The following PRKN variants were observed in gnomAD, a reference collection of about 807,000 sequenced individuals.
The protein encoded by PRKN is parkin RBR E3 ubiquitin protein ligase.
Under a neutral mutation model 59.5 loss-of-function variants are expected in PRKN, and 56 were observed. The ratio of observed to expected loss-of-function variants is 0.94; its 90% CI spans 0.76 to 1.18. The LOEUF (loss-of-function observed/expected upper bound fraction) is 1.18. Among genes scored for constraint, PRKN ranks in the 50% most tolerant of loss-of-function variants. The pLI is 0.00. For missense variants in PRKN, 657 were observed against 596.4 expected (o/e 1.10, Z -1.06); for synonymous variants, 250 against 222.1 (o/e 1.13, Z -1.12).
Position 161,593,996 on chromosome 6 carries a change from AAAAC to A in PRKN, c.872-24584_872-24581del, listed in dbSNP as rs1781821389. ...GAAACCCCATCTCTACTAAAAAAAAAAAACAAAAAACAAAAACCCAGCAGGGTAT... is the reference window on the plus strand; with the variant it reads ...GAAACCCCATCTCTACTAAAAAAAAAAAAAAACAAAAACCCAGCAGGGTAT... On this transcript the variant is annotated intron_variant, in intron 7 of 11. Transcript: ENST00000366898. This position sits in a 1 kb window ranked among gnomAD's most constrained non-coding sequence, Gnocchi z 4.8. Among the ~76,000 whole-genome samples, 1 of 151,726 alleles carries A rather than the reference AAAAC, an allele frequency of 6.6e-6. No individual in the cohort carries two copies. The highest frequency in any genetic ancestry group is 6.6e-5 in the Admixed American group (1 of 15,228).
chr6:162,128,908 C>T (rs1027892677), intron 4 of PRKN, among the ~76,000 whole-genome samples: 1 of 152,192 alleles, frequency 6.6e-6, no homozygotes, highest in African/African-American at 2.4e-5. Flanking sequence ...GCCTCCAGAA[C>T]TTTGAGAAAG....
intron 6 of PRKN, among the ~76,000 whole-genome samples, chr6:161,912,718 T>C (rs895800622): frequency 1.3e-5 from 2 of 151,934 alleles, no homozygotes; most frequent in African/African-American, 4.8e-5. Flanking sequence ...CTGCCAGCCA[T>C]CCTCACCTCC....
At chr6:162,045,302 CA>C (rs1299638805) in intron 5 of PRKN, among the ~76,000 whole-genome samples, 1 of 152,148 alleles carries the variant, frequency 6.6e-6, no homozygotes, top group African/African-American at 2.4e-5. Context: ...ACTCTTGAAA[CA>C]TAAACATTTT....
intron 4 of PRKN, among the ~76,000 whole-genome samples, chr6:162,138,700 A>G (rs545182772): frequency 6.6e-6 from 1 of 152,288 alleles, no homozygotes; most frequent in African/African-American, 2.4e-5. Context: ...GTGAGTGTTG[A>G]AAGTCTCAAA....
intron 4 of PRKN, among the ~76,000 whole-genome samples, chr6:162,200,245 C>G (rs1178450782): frequency 6.6e-6 from 1 of 152,122 alleles, no homozygotes; most frequent in Non-Finnish European, 1.5e-5. Flanking sequence ...TGCATGCCCT[C>G]TATTGCAACC....
At chr6:162,684,819 A>AT (rs1006860522) in intron 1 of PRKN, among the ~76,000 whole-genome samples, 6 of 152,188 alleles carry the variant, frequency 3.9e-5, no homozygotes, top group Non-Finnish European at 8.8e-5. Context: ...CCCTTTAAAT[A>AT]TATTTAATAA....
intron 9 of PRKN, among the ~76,000 whole-genome samples, chr6:161,455,426 C>T (rs1789922023): frequency 1.3e-5 from 2 of 152,276 alleles, no homozygotes; most frequent in Admixed American, 6.5e-5. Context: ...TTGCTATTTA[C>T]ATCAGCCTAC....
chr6:162,691,015 T>C (rs1261277957), intron 1 of PRKN, among the ~76,000 whole-genome samples: 1 of 152,172 alleles, frequency 6.6e-6, no homozygotes, highest in Non-Finnish European at 1.5e-5. Flanking sequence ...GAATCTTTAC[T>C]AGTAATGTTG....
chr6:162,707,472 A>C (rs1208155878), intron 1 of PRKN, among the ~76,000 whole-genome samples: 1 of 152,228 alleles, frequency 6.6e-6, no homozygotes, highest in African/African-American at 2.4e-5. Context: ...ATTATTCAGC[A>C]TGAAGGACTA....
chr6:162,338,930 T>A (rs1470671247), intron 2 of PRKN, among the ~76,000 whole-genome samples: 2 of 149,512 alleles, frequency 1.3e-5, no homozygotes, highest in East Asian at 2.0e-4. Context: ...GAGGAGCGCC[T>A]CTGCCCGGCC....
At chr6:162,266,115 T>C (rs938928419) in intron 2 of PRKN, among the ~76,000 whole-genome samples, 4 of 152,154 alleles carry the variant, frequency 2.6e-5, no homozygotes, top group Non-Finnish European at 4.4e-5. Context: ...ATTAGCACCC[T>C]AGCCTATCTT....
At chr6:161,824,161 A>AG (rs1792147361) in intron 6 of PRKN, among the ~76,000 whole-genome samples, 1 of 152,206 alleles carries the variant, frequency 6.6e-6, no homozygotes, top group Admixed American at 6.5e-5. Flanking sequence ...AACGCCACGA[A>AG]GTAGGGAAGA....
At position 162,443,466 on chromosome 6, in the gene PRKN, GACAA is replaced by G; in HGVS notation, c.11_14del (p.Phe4SerfsTer39). On this transcript the variant is annotated frameshift_variant, in exon 2 of 12. Coordinates refer to ENST00000366898, the MANE Select transcript of PRKN (RefSeq NM_004562.3). LOFTEE classifies it high-confidence loss of function. ...GGAAACCATGGCTGGAGTTGAACCTGACAAACACTGACCAAGGAAATTGGAAGGG... is the reference window on the plus strand; with the variant it reads ...GGAAACCATGGCTGGAGTTGAACCTGACACTGACCAAGGAAATTGGAAGGG... 1 of 1,614,004 alleles carries G rather than the reference GACAA, an allele frequency of 6.2e-7. No homozygotes were observed. The highest frequency in any genetic ancestry group is 8.5e-7 in the Non-Finnish European group (1 of 1,179,908).
intron 6 of PRKN, among the ~76,000 whole-genome samples, chr6:161,945,136 G>T (rs1779731922): frequency 6.6e-6 from 1 of 152,074 alleles, no homozygotes; most frequent in Non-Finnish European, 1.5e-5. Flanking sequence ...ATGAGACGCT[G>T]AAATGGAGAG....
intron 1 of PRKN, among the ~76,000 whole-genome samples, chr6:162,590,271 T>A (rs1266036739): frequency 1.3e-5 from 2 of 152,206 alleles, no homozygotes; most frequent in East Asian, 3.8e-4. Flanking sequence ...TTAGGAATAA[T>A]ACTAACCTTC....
chr6:161,421,383 G>A (rs1378771880), intron 9 of PRKN, among the ~76,000 whole-genome samples: 8 of 152,162 alleles, frequency 5.3e-5, no homozygotes, highest in African/African-American at 1.9e-4. Context: ...TGGTTAGAAG[G>A]GAGTTGGGTA....
At position 161,530,111 on chromosome 6, in the gene PRKN, A is replaced by G. The variant is rs1289093051; in HGVS notation, c.1083+18743T>C. Among the ~76,000 whole-genome samples the G allele has an allele frequency of 6.6e-6, 1 of 152,128 alleles. No individual in the cohort carries two copies. Among genetic ancestry groups the G allele is most frequent in the Non-Finnish European group, 1.5e-5 (1 of 68,020 alleles). Reference sequence around the variant, plus strand: ...TTTTCACTGGGCCGTGGCTGTGCACACGGGCTTCTTGCCATCACTTAAATG... The same window carrying G: ...TTTTCACTGGGCCGTGGCTGTGCACGCGGGCTTCTTGCCATCACTTAAATG... On this transcript the variant is annotated intron_variant, in intron 9 of 11. Transcript: ENST00000366898. The surrounding 1 kb of genome is among the most constrained non-coding windows in gnomAD (Gnocchi z 5.0).
intron 2 of PRKN, among the ~76,000 whole-genome samples, chr6:162,347,297 T>G (rs1357301703): frequency 1.3e-5 from 2 of 150,944 alleles, no homozygotes; most frequent in Admixed American, 1.3e-4. Context: ...AGAGCCATTA[T>G]AGCCACACAT....
chr6:162,479,930 T>C (rs1308261317), intron 1 of PRKN, among the ~76,000 whole-genome samples: 1 of 151,996 alleles, frequency 6.6e-6, no homozygotes, highest in African/African-American at 2.4e-5. Context: ...CTGGGCGTGG[T>C]GGCGCATGCC....
Sources: allele counts gnomAD v4.1 joint callset (sites outside exome capture counted in the v4.1 genomes callset), GRCh38; gene constraint gnomAD v4.1.1; non-coding constraint Gnocchi (gnomAD v3.1); transcripts MANE v1.5; gene names NCBI Gene and HGNC (gene_info 2026-07-23, HGNC 2026-07-21).